CTNND2: variants seen among roughly 807,000 people sequenced by gnomAD.
The protein encoded by CTNND2 is catenin delta-2.
In CTNND2, 22 loss-of-function variants were observed where a neutral mutation model predicts 144.4. The observed-to-expected ratio is 0.15, with a 90% confidence interval of 0.11 to 0.22. The LOEUF is 0.22. Ranked by LOEUF, CTNND2 falls within the 10% of genes least tolerant of loss-of-function variation. CTNND2 has a pLI of 1.00. For synonymous variants in CTNND2, 751 were observed against 695.6 expected, an observed-to-expected ratio of 1.08 and a Z score of -1.25; for missense variants, 1,353 against 1,618.8, an observed-to-expected ratio of 0.84 and a Z score of 2.82.
At chr5:11,806,856 T>G (rs1792032869) in intron 1 of CTNND2, among the ~76,000 whole-genome samples, 1 of 152,134 alleles carries the variant, frequency 6.6e-6, no homozygotes, top group East Asian at 1.9e-4. Flanking sequence ...CTTGCTCCCA[T>G]AATTCCACTT....
intron 2 of CTNND2, among the ~76,000 whole-genome samples, chr5:11,719,329 T>C (rs1265940340): frequency 2.0e-5 from 3 of 152,298 alleles, no homozygotes; most frequent in Non-Finnish European, 4.4e-5. Flanking sequence ...GCAGAAGCCA[T>C]GAAAATTACC....
intron 1 of CTNND2, among the ~76,000 whole-genome samples, chr5:11,864,559 C>T (rs574108385): frequency 1.3e-5 from 2 of 152,152 alleles, no homozygotes; most frequent in Admixed American, 6.5e-5. Flanking sequence ...TTAGCACTCC[C>T]GCTGCCTTTC....
At chr5:11,835,592 G>A (rs940448610) in intron 1 of CTNND2, among the ~76,000 whole-genome samples, 1 of 152,098 alleles carries the variant, frequency 6.6e-6, no homozygotes, top group Non-Finnish European at 1.5e-5. Context: ...TGTCAAATAT[G>A]TATATACAAT....
At chr5:11,198,094 C>T (rs924775505) in intron 11 of CTNND2, among the ~76,000 whole-genome samples, 2 of 152,130 alleles carry the variant, frequency 1.3e-5, no homozygotes, top group Non-Finnish European at 2.9e-5. Context: ...TTAAGCACAA[C>T]CCACAAATAT....
chr5:11,426,830 G>A (rs1368091851), intron 3 of CTNND2, among the ~76,000 whole-genome samples: 1 of 152,126 alleles, frequency 6.6e-6, no homozygotes, highest in Non-Finnish European at 1.5e-5. Context: ...TGATAACTTA[G>A]AAGGAAAGGA....
intron 9 of CTNND2, among the ~76,000 whole-genome samples, chr5:11,285,847 G>C (rs890461373): frequency 1.1e-4 from 7 of 66,144 alleles, no homozygotes; most frequent in Admixed American, 3.6e-4. Flanking sequence ...TCCAGGAACT[G>C]AGGGAGAGTG....
chr5:11,117,459 G>C lies in CTNND2; in HGVS notation c.2268C>G (p.Ile756Met). ...VIQSALGSSEIDSKTVENCVC... is the reference protein window; with the variant it reads ...VIQSALGSSEMDSKTVENCVC... ...TGCCAGCACAACCAACCTTGCTATC[G>C]ATCTCACTGCTCCCCAGCGCAGACT... The change falls in exon 13 of 22, where the codon ATC becomes ATG. Residue 756 changes from isoleucine to methionine, a missense_variant. Ile to Met is a conservative substitution (Grantham distance 10). Coordinates refer to ENST00000304623, the MANE Select transcript of CTNND2 (RefSeq NM_001332.4). 6.2e-7 allele frequency: 1 copy of C among 1,613,146 alleles called. No individual in the cohort carries two copies. The highest frequency in any genetic ancestry group is 8.5e-7 in the Non-Finnish European group (1 of 1,179,162).
At chr5:11,076,955 T>C (rs1370325889) in intron 16 of CTNND2, among the ~76,000 whole-genome samples, 5 of 152,246 alleles carry the variant, frequency 3.3e-5, no homozygotes, top group African/African-American at 1.2e-4. Context: ...AGTGTCTGCA[T>C]GCATCTAGTA....
chr5:11,779,760 T>C (rs1790444776), intron 1 of CTNND2, among the ~76,000 whole-genome samples: 1 of 152,248 alleles, frequency 6.6e-6, no homozygotes, highest in Non-Finnish European at 1.5e-5. Context: ...ACTGGGTGGC[T>C]GGTTTCCTTA....
chr5:11,347,621 C>T (rs1046738761), intron 8 of CTNND2, among the ~76,000 whole-genome samples: 7 of 152,166 alleles, frequency 4.6e-5, no homozygotes, highest in Admixed American at 1.3e-4. Flanking sequence ...TAGTCATGAT[C>T]AACAGCAGAC....
At chr5:11,443,242 G>A (rs1764452449) in intron 3 of CTNND2, among the ~76,000 whole-genome samples, 1 of 118,114 alleles carries the variant, frequency 8.5e-6, no homozygotes, top group Non-Finnish European at 1.7e-5. Flanking sequence ...TGTGATGTGT[G>A]TGTGTGTGTG....
intron 1 of CTNND2, among the ~76,000 whole-genome samples, chr5:11,780,852 C>T (rs1790506209): frequency 1.3e-5 from 2 of 152,168 alleles, no homozygotes; most frequent in South Asian, 4.1e-4. Context: ...TGAGCAGTGA[C>T]ACAACAGATG....
At position 11,216,664 on chromosome 5, in the gene CTNND2, C is replaced by T. The variant is rs962381448; in HGVS notation, c.1762-17003G>A. ...GAGCTACCAGATAGTAAGTGTATGT[C>T]GTATGAAGTCACTAAGGGTGTGGAA... On this transcript the variant is annotated intron_variant, in intron 10 of 21. Transcript: ENST00000304623. Among the ~76,000 whole-genome samples the T allele has an allele frequency of 3.7e-4, 56 of 152,176 alleles. 1 individual carries two copies. Among genetic ancestry groups the T allele is most frequent in the Non-Finnish European group, 7.3e-5 (5 of 68,032 alleles).
chr5:11,734,039 T>C (rs566146119), intron 1 of CTNND2, among the ~76,000 whole-genome samples: 4 of 152,264 alleles, frequency 2.6e-5, no homozygotes, highest in East Asian at 1.9e-4. Context: ...GAGACTTCTC[T>C]ACCCTCCCAC....
chr5:11,123,442 T>C (rs1045806781), intron 12 of CTNND2, among the ~76,000 whole-genome samples: 68 of 152,154 alleles, frequency 4.5e-4, no homozygotes, highest in African/African-American at 1.6e-3. Context: ...ATCTCATGGG[T>C]AGAGGCAGCC....
At chr5:11,291,193 G>A (rs1748313395) in intron 9 of CTNND2, among the ~76,000 whole-genome samples, 1 of 152,104 alleles carries the variant, frequency 6.6e-6, no homozygotes, top group Non-Finnish European at 1.5e-5. Flanking sequence ...AAAGGCAACA[G>A]CCTAACCTGG....
At chr5:11,651,187 C>T (rs948227716) in intron 2 of CTNND2, among the ~76,000 whole-genome samples, 1 of 152,160 alleles carries the variant, frequency 6.6e-6, no homozygotes, top group African/African-American at 2.4e-5. Context: ...CTCCCTGTGT[C>T]CCAGCCACTC....
chr5:11,648,701 C>G (rs186747413), intron 2 of CTNND2, among the ~76,000 whole-genome samples: 1 of 152,090 alleles, frequency 6.6e-6, no homozygotes, highest in Non-Finnish European at 1.5e-5. Flanking sequence ...CTAGCAAAAT[C>G]TTCTAGCACC....
At position 11,217,626 on chromosome 5, in the gene CTNND2, A is replaced by C. The variant is rs371739211; in HGVS notation, c.1762-17965T>G. Among the ~76,000 whole-genome samples, 5 of 152,320 alleles carry C rather than the reference A, an allele frequency of 3.3e-5. No individual in the cohort carries two copies. The East Asian group carries it at 9.6e-4, about 29-fold the overall frequency. On this transcript the variant is annotated intron_variant, in intron 10 of 21. Coordinates refer to ENST00000304623, the MANE Select transcript of CTNND2 (RefSeq NM_001332.4). ...CTTACATTTAATTAGAGAGTTTTCAAGGCAGACCCTTTTTATGTCTGTATT... is the reference window on the plus strand; with the variant it reads ...CTTACATTTAATTAGAGAGTTTTCACGGCAGACCCTTTTTATGTCTGTATT...
Sources: gnomAD v4.1 joint callset for allele counts (sites outside exome capture counted in the v4.1 genomes callset) on GRCh38, gnomAD v4.1.1 for gene constraint, MANE v1.5 for transcripts, NCBI Gene and HGNC (gene_info 2026-07-23, HGNC 2026-07-21) for gene names.